The following BMPR1A variants were observed in gnomAD, a reference collection of about 807,000 sequenced individuals.
BMPR1A encodes bone morphogenetic protein receptor type 1A.
In BMPR1A, 7 loss-of-function variants were observed where a neutral mutation model predicts 66.0. That is an observed-to-expected ratio of 0.11 (90% CI 0.06 to 0.20). The LOEUF is 0.20. BMPR1A is among the 10% of genes least tolerant of loss of function. BMPR1A has a pLI of 1.00. For missense variants in BMPR1A, 408 were observed against 669.1 expected (o/e 0.61, Z 4.31); for synonymous variants, 200 against 229.7 (o/e 0.87, Z 1.17).
chr10:86,795,233 A>G (rs1329035400), intron 1 of BMPR1A, among the ~76,000 whole-genome samples: 1 of 152,076 alleles, frequency 6.6e-6, no homozygotes, highest in Non-Finnish European at 1.5e-5. Context: ...GAAGCAAAAT[A>G]AATACTAAGT....
At chr10:86,850,507 T>C (rs1034043753) in intron 2 of BMPR1A, among the ~76,000 whole-genome samples, 3 of 152,228 alleles carry the variant, frequency 2.0e-5, no homozygotes, top group African/African-American at 7.2e-5. Context: ...TCTGCATTTC[T>C]AGCCAGCTTG....
chr10:86,905,262 TC>T (rs1843369631), intron 7 of BMPR1A, among the ~76,000 whole-genome samples: 1 of 152,210 alleles, frequency 6.6e-6, no homozygotes, highest in Admixed American at 6.5e-5. Context: ...GGACGAGGCA[TC>T]ATTCTGTACC....
intron 1 of BMPR1A, among the ~76,000 whole-genome samples, chr10:86,817,960 A>G (rs1212701337): frequency 6.6e-6 from 1 of 152,256 alleles, no homozygotes; most frequent in African/African-American, 2.4e-5. Context: ...AATCTTCAAT[A>G]AAGTACTAGC....
At chr10:86,758,687 A>G (rs1433450698) in intron 1 of BMPR1A, among the ~76,000 whole-genome samples, 1 of 152,198 alleles carries the variant, frequency 6.6e-6, no homozygotes, top group African/African-American at 2.4e-5. Context: ...TTCACAATCC[A>G]TCTCTAGAGA....
chr10:86,893,596 G>A (rs1589765058), intron 5 of BMPR1A, among the ~76,000 whole-genome samples: 3 of 152,040 alleles, frequency 2.0e-5, no homozygotes, highest in Admixed American at 6.5e-5. Context: ...AAGACCATCC[G>A]GCTAACATGG....
chr10:86,757,528 G>A (rs1847896354), intron 1 of BMPR1A, among the ~76,000 whole-genome samples: 1 of 152,124 alleles, frequency 6.6e-6, no homozygotes, highest in Non-Finnish European at 1.5e-5. Context: ...GACTCCTAGT[G>A]GAAAGATTTG....
chr10:86,864,952 G>A (rs866829311), intron 2 of BMPR1A, among the ~76,000 whole-genome samples: 22 of 151,818 alleles, frequency 1.4e-4, no homozygotes, highest in Non-Finnish European at 2.5e-4. Context: ...GAGAAACACC[G>A]CCCATTCTCT....
chr10:86,872,699 T>A (rs1221419517), intron 2 of BMPR1A, among the ~76,000 whole-genome samples: 1 of 152,190 alleles, frequency 6.6e-6, no homozygotes, highest in Admixed American at 6.5e-5. Flanking sequence ...TTTGCTGTTA[T>A]CTCATTTGGT....
chr10:86,765,483 CAA>C (rs34219531), intron 1 of BMPR1A, among the ~76,000 whole-genome samples: 87 of 70,636 alleles, frequency 1.2e-3, no homozygotes, highest in African/African-American at 3.8e-3. Flanking sequence ...GACTCTGTCT[CAA>C]AAAAAAAAAA....
At chr10:86,882,100 C>T (rs192290322) in intron 3 of BMPR1A, among the ~76,000 whole-genome samples, 82 of 151,728 alleles carry the variant, frequency 5.4e-4, no homozygotes, top group African/African-American at 1.8e-3. Flanking sequence ...GGGAGTGAAA[C>T]AAGAAGGGCC....
chr10:86,778,685 A>G (rs1248009649), intron 1 of BMPR1A, among the ~76,000 whole-genome samples: 1 of 152,198 alleles, frequency 6.6e-6, no homozygotes, highest in Non-Finnish European at 1.5e-5. Context: ...AGGATAAAGT[A>G]CTAGAATTTA....
At chr10:86,810,590 T>G (rs1230692084) in intron 1 of BMPR1A, among the ~76,000 whole-genome samples, 1 of 152,230 alleles carries the variant, frequency 6.6e-6, no homozygotes, top group Non-Finnish European at 1.5e-5. Flanking sequence ...TATTATTTTT[T>G]TATTATAGCC....
chr10:86,814,470 A>T (rs534587590), intron 1 of BMPR1A, among the ~76,000 whole-genome samples: 224 of 152,006 alleles, frequency 1.5e-3, no homozygotes, highest in South Asian at 3.3e-3. Flanking sequence ...CTTCCTTCTT[A>T]CTTTCAATTT....
intron 1 of BMPR1A, among the ~76,000 whole-genome samples, chr10:86,837,370 AG>A (rs1325593808): frequency 6.6e-6 from 1 of 152,074 alleles, no homozygotes; most frequent in Non-Finnish European, 1.5e-5. Flanking sequence ...GCACCTGGCC[AG>A]GCCATATATT....
At chr10:86,824,577 T>C (rs1051800520) in intron 1 of BMPR1A, among the ~76,000 whole-genome samples, 1 of 152,192 alleles carries the variant, frequency 6.6e-6, no homozygotes, top group Non-Finnish European at 1.5e-5. Context: ...GACTTATTTC[T>C]CCTGTTTGAA....
chr10:86,804,792 G>GTTTTTTTTTTTTTTTTTTTTTTTTTT (rs5786747), intron 1 of BMPR1A, among the ~76,000 whole-genome samples: 38 of 57,258 alleles, frequency 6.6e-4, no homozygotes, highest in Middle Eastern at 9.4e-3. Context: ...GTTTGTAGGT[G>GTTTTTTTTTTTTTTTTTTTTTTTTTT]TTTTTTTTTT....
intron 1 of BMPR1A, among the ~76,000 whole-genome samples, chr10:86,761,905 G>A (rs938773753): frequency 6.6e-6 from 1 of 152,218 alleles, no homozygotes; most frequent in Admixed American, 6.5e-5. Flanking sequence ...TGAGATATCT[G>A]AAACAGCCAA....
At chr10:86,832,207 C>A (rs527623945) in intron 1 of BMPR1A, among the ~76,000 whole-genome samples, 2 of 152,218 alleles carry the variant, frequency 1.3e-5, no homozygotes, top group African/African-American at 4.8e-5. Context: ...GTGGCTCATA[C>A]CTGTAATCCC....
Position 86,919,083 on chromosome 10 carries a change from T to C in BMPR1A, c.869-89T>C. ...AGTTTCACTATCTGCACATGATACC[T>C]AAGTTTTTCTCAGTATCCAGAATGA... is the stretch of plus-strand genomic sequence containing the variant. On this transcript the variant is annotated intron_variant, in intron 9 of 12. Coordinates refer to ENST00000372037, the MANE Select transcript of BMPR1A (RefSeq NM_004329.3). 7 of 1,464,146 alleles carry C rather than the reference T, an allele frequency of 4.8e-6. 1 individual carries two copies. The highest frequency in any genetic ancestry group is 6.7e-6 in the Non-Finnish European group (7 of 1,045,744). The allele number at this position is 1,464,146 out of a possible 1,614,324, so 90.7% of individuals were successfully genotyped here. A position where few individuals can be genotyped will look rare whatever the true frequency, so the allele number is the denominator to read the frequency against.
Sources: allele counts gnomAD v4.1 joint callset (sites outside exome capture counted in the v4.1 genomes callset), GRCh38; gene constraint gnomAD v4.1.1; transcripts MANE v1.5; gene names NCBI Gene and HGNC (gene_info 2026-07-23, HGNC 2026-07-21).